The following EYS variants were observed in gnomAD, a reference collection of about 807,000 sequenced individuals.
EYS encodes the protein protein eyes shut homolog.
In EYS, 250 loss-of-function variants were observed where a neutral mutation model predicts 282.1. The observed-to-expected ratio is 0.89, with a 90% CI of 0.80 to 0.98. The LOEUF (loss-of-function observed/expected upper bound fraction) is 0.98. Ranked by LOEUF, EYS falls within the 50% of genes least tolerant of loss-of-function variation. The probability of loss-of-function intolerance (pLI) is 0.00; values close to 1 mark genes in which losing one functional copy is unlikely to be tolerated. For missense variants in EYS, 4,016 were observed against 3,709.0 expected (o/e 1.08, Z -2.15); for synonymous variants, 1,355 against 1,282.9 (o/e 1.06, Z -1.20).
chr6:64,844,302 A>G (rs962657195), intron 19 of EYS, among the ~76,000 whole-genome samples: 1 of 150,268 alleles, frequency 6.7e-6, no homozygotes, highest in African/African-American at 2.4e-5. Flanking sequence ...CTCACCCAGC[A>G]CTATGATAAA....
At chr6:64,826,688 A>G (rs200926757) in intron 19 of EYS, among the ~76,000 whole-genome samples, 14,675 of 125,256 alleles carry the variant, frequency 0.12, 982 homozygotes, top group East Asian at 0.4. Flanking sequence ...TTATGTATAT[A>G]TATATATATA....
intron 23 of EYS, among the ~76,000 whole-genome samples, chr6:64,619,061 T>C: frequency 6.6e-6 from 1 of 152,162 alleles, no homozygotes; most frequent in East Asian, 1.9e-4. Flanking sequence ...AATGCTGATA[T>C]AAAATTCAGA....
Position 64,821,635 on chromosome 6 carries a change from TAA to T in EYS, c.3243+8_3243+9del, listed in dbSNP as rs2150021949. ...TTGTCATATAACTTGAATAAAATTA[TAA>T]GACTTACATTAATTTTGATCTTACA... is the stretch of plus-strand genomic sequence containing the variant. On this transcript the variant is annotated splice_region_variant and intron_variant, in intron 21 of 42. Coordinates refer to ENST00000503581, the MANE Select transcript of EYS (RefSeq NM_001142800.2). The T allele has an allele frequency of 7.2e-7, 1 of 1,380,794 alleles. No individual in the cohort carries two copies. The highest frequency in any genetic ancestry group is 9.9e-7 in the Non-Finnish European group (1 of 1,013,546). 85.5% of individuals were successfully genotyped at this position (1,380,794 alleles called of 1,614,324 possible). A position where few individuals can be genotyped will look rare whatever the true frequency, so the allele number is the denominator to read the frequency against.
chr6:65,616,593 C>T (rs564052219), intron 2 of EYS, among the ~76,000 whole-genome samples: 2 of 152,168 alleles, frequency 1.3e-5, no homozygotes, highest in East Asian at 3.9e-4. Context: ...TGAGACCATC[C>T]TGGCCAAAAT....
intron 22 of EYS, among the ~76,000 whole-genome samples, chr6:64,627,462 T>A (rs760078765): frequency 6.6e-6 from 1 of 152,200 alleles, no homozygotes; most frequent in South Asian, 2.1e-4. Context: ...TAGATCATTA[T>A]ACAGTATTGG....
chr6:65,476,096 A>G (rs1765394907), intron 5 of EYS, among the ~76,000 whole-genome samples: 1 of 152,148 alleles, frequency 6.6e-6, no homozygotes, highest in Non-Finnish European at 1.5e-5. Context: ...TAACTTGCCA[A>G]AAAAAGGCAT....
intron 33 of EYS, among the ~76,000 whole-genome samples, chr6:64,039,715 G>A (rs1770294834): frequency 1.3e-5 from 2 of 152,150 alleles, no homozygotes; most frequent in South Asian, 4.1e-4. Context: ...TGAATGTGTG[G>A]TTGTAGCTTG....
chr6:64,474,090 C>A (rs1776197651), intron 26 of EYS, among the ~76,000 whole-genome samples: 1 of 152,108 alleles, frequency 6.6e-6, no homozygotes, highest in Non-Finnish European at 1.5e-5. Flanking sequence ...TGAACCTTCC[C>A]TCCAGAGCCC....
chr6:64,558,616 C>T (rs1765307103), intron 26 of EYS, among the ~76,000 whole-genome samples: 1 of 152,242 alleles, frequency 6.6e-6, no homozygotes. Flanking sequence ...CATCTCCAGG[C>T]CAGCTTTTAT....
At chr6:65,278,682 A>G (rs1331036704) in intron 12 of EYS, among the ~76,000 whole-genome samples, 1 of 152,080 alleles carries the variant, frequency 6.6e-6, no homozygotes, top group Non-Finnish European at 1.5e-5. Flanking sequence ...ACTATTGTAT[A>G]TAATTTATCA....
chr6:64,771,741 C>G (rs989227758), intron 22 of EYS, among the ~76,000 whole-genome samples: 1 of 151,854 alleles, frequency 6.6e-6, no homozygotes, highest in Non-Finnish European at 1.5e-5. Flanking sequence ...TTCTGCCTTA[C>G]AGAATTTATT....
intron 5 of EYS, among the ~76,000 whole-genome samples, chr6:65,415,582 C>A (rs553604540): frequency 1.3e-5 from 2 of 152,022 alleles, no homozygotes; most frequent in East Asian, 3.9e-4. Flanking sequence ...GGAATCCCGC[C>A]CACCGGTAAA....
At chr6:64,341,241 A>T (rs544949183) in intron 29 of EYS, among the ~76,000 whole-genome samples, 2 of 151,878 alleles carry the variant, frequency 1.3e-5, no homozygotes, top group African/African-American at 4.8e-5. Context: ...TACCAAAAAG[A>T]CACATTGAAT....
At chr6:64,663,811 C>A (rs1769130400) in intron 22 of EYS, among the ~76,000 whole-genome samples, 1 of 152,110 alleles carries the variant, frequency 6.6e-6, no homozygotes, top group Non-Finnish European at 1.5e-5. Flanking sequence ...GGGTTCTTGG[C>A]CTCAAGGATT....
chr6:64,142,227 T>C (rs549876815), intron 31 of EYS, among the ~76,000 whole-genome samples: 83 of 152,142 alleles, frequency 5.5e-4, no homozygotes, highest in Admixed American at 2.6e-4. Context: ...TATCCAATAA[T>C]TAAAGAAATT....
intron 13 of EYS, among the ~76,000 whole-genome samples, chr6:64,999,775 G>A (rs959008152): frequency 1.3e-5 from 2 of 152,274 alleles, no homozygotes; most frequent in South Asian, 2.1e-4. Flanking sequence ...GACAAGCGCC[G>A]GCACGCTGGA....
chr6:63,861,352 C>T (rs980925194), intron 36 of EYS, among the ~76,000 whole-genome samples: 3 of 152,160 alleles, frequency 2.0e-5, no homozygotes, highest in African/African-American at 7.2e-5. Context: ...ATCTACATCC[C>T]CACTGCCATT....
chr6:63,860,931 C>T (rs1772516468), intron 36 of EYS, among the ~76,000 whole-genome samples: 1 of 152,060 alleles, frequency 6.6e-6, no homozygotes, highest in Non-Finnish European at 1.5e-5. Context: ...TCTACACTTT[C>T]TCTTCTTTAT....
rs141467732 is a variant in EYS at position 64,740,799 on chromosome 6, C to T, written c.3443+72579G>A. Among the ~76,000 whole-genome samples, 641 of 151,828 alleles carry T rather than the reference C, an allele frequency of 4.2e-3. 7 individuals carry two copies. Among genetic ancestry groups the T allele is most frequent in the African/African-American group, 0.015 (621 of 41,380 alleles). On this transcript the variant is annotated intron_variant, in intron 22 of 42. Coordinates refer to ENST00000503581, the MANE Select transcript of EYS (RefSeq NM_001142800.2). ...CATGATCTTGGCCCACTGCAAGCTC[C>T]GCCTCCTGGGTTCACACCATTCTCC...
Sources: gnomAD v4.1 joint callset for allele counts (sites outside exome capture counted in the v4.1 genomes callset) on GRCh38, gnomAD v4.1.1 for gene constraint, MANE v1.5 for transcripts, NCBI Gene and HGNC (gene_info 2026-07-23, HGNC 2026-07-21) for gene names.